C6orf89: variants seen among roughly 807,000 people sequenced by gnomAD.
The protein encoded by C6orf89 is bombesin receptor-activated protein C6orf89.
Under a neutral mutation model 40.7 loss-of-function variants are expected in C6orf89, and 29 were observed. The ratio of observed to expected loss-of-function variants is 0.71; its 90% CI spans 0.53 to 0.97. The LOEUF (loss-of-function observed/expected upper bound fraction) is 0.97. Ranked by LOEUF, C6orf89 falls within the 50% of genes least tolerant of loss-of-function variation. The pLI is 0.00. For missense variants in C6orf89, 392 were observed against 429.1 expected (o/e 0.91, Z 0.76); for synonymous variants, 165 against 152.2 (o/e 1.08, Z -0.62).
In C6orf89 at chr6:36,892,908, T is replaced by C. The variant is rs73732039; in HGVS notation, c.-119-1596T>C. ...CCGATTTCACTCAATCCTCTCATGC[T>C]TGATGCATAGTAATGACCTTATGTT... On this transcript the variant is annotated intron_variant, in intron 1 of 8. Transcript: ENST00000480824. 770 of 152,334 alleles carry C rather than the reference T, an allele frequency of 5.1e-3. 4 individuals carry two copies. The Middle Eastern group carries it at 0.054, about 11-fold the overall frequency. 9.4% of individuals were successfully genotyped at this position (152,334 alleles called of 1,614,324 possible).
chr6:36,901,277 C>T (rs1402422471), intron 3 of C6orf89, among the ~76,000 whole-genome samples: 3 of 148,464 alleles, frequency 2.0e-5, no homozygotes, highest in Non-Finnish European at 3.0e-5. Flanking sequence ...CCACTGCGCC[C>T]GGCCCCTTTG....
intron 1 of C6orf89, among the ~76,000 whole-genome samples, chr6:36,887,277 C>T (rs142770919): frequency 6.6e-6 from 1 of 152,244 alleles, no homozygotes; most frequent in African/African-American, 2.4e-5. Context: ...AATAATAAAA[C>T]ATAAAATGAA....
chr6:36,913,898 C>T (rs1341524053), intron 4 of C6orf89, among the ~76,000 whole-genome samples: 1 of 151,976 alleles, frequency 6.6e-6, no homozygotes, highest in African/African-American at 2.4e-5. Context: ...CGGTGGCTTG[C>T]GCCTGTAATC....
chr6:36,883,173 C>A (rs1254191733), upstream of C6orf89: 1 of 152,224 alleles, frequency 6.6e-6, no homozygotes, highest in Non-Finnish European at 1.5e-5. Context: ...TGAGGACAAT[C>A]CCTTCACAAT....
chr6:36,871,976 T>C, intron 1 of C6orf89: 2 of 1,080,332 alleles, frequency 1.9e-6, no homozygotes, highest in Non-Finnish European at 2.5e-6. Context: ...TTGTAAGTCA[T>C]GAAATTGTGA....
At chr6:36,906,434 A>G (rs181580988) in intron 4 of C6orf89, among the ~76,000 whole-genome samples, 385 of 152,366 alleles carry the variant, frequency 2.5e-3, no homozygotes, top group Admixed American at 4.2e-3. Context: ...CATTTCAAAG[A>G]TGAGGAAACT....
At chr6:36,922,168 G>A (rs1196440758) in intron 8 of C6orf89, among the ~76,000 whole-genome samples, 5 of 151,544 alleles carry the variant, frequency 3.3e-5, no homozygotes, top group Non-Finnish European at 5.9e-5. Context: ...ATGAAACCCC[G>A]TCTCTACTAA....
At position 36,902,343 on chromosome 6, in the gene C6orf89, T is replaced by G. The variant is rs1230732417; in HGVS notation, c.312T>G (p.Ile104Met). The G allele has an allele frequency of 1.2e-6, 2 of 1,614,198 alleles. No homozygotes were observed. Among genetic ancestry groups the G allele is most frequent in the Non-Finnish European group, 1.7e-6 (2 of 1,180,026 alleles). Residue 104 changes from isoleucine (I) to methionine (M), a missense_variant, in exon 4 of 9, where the codon ATT becomes ATG. Ile to Met is a conservative substitution (Grantham distance 10). Transcript: ENST00000480824. Reference protein sequence around the residue: ...AHTWRSLIHHIRLMSLPIAKK... With the variant: ...AHTWRSLIHHMRLMSLPIAKK... ...CCTGGCGCTCACTCATCCATCACAT[T>G]AGGCTGATGTCCTTGCCCATTGCCA...
intron 6 of C6orf89, among the ~76,000 whole-genome samples, chr6:36,915,128 A>G (rs1046883235): frequency 1.3e-5 from 2 of 152,204 alleles, no homozygotes; most frequent in African/African-American, 2.4e-5. Flanking sequence ...CTGGGATCCC[A>G]CTGATAAACC....
At chr6:36,882,904 AT>A (rs1391770804), upstream of C6orf89, among the ~76,000 whole-genome samples, 2 of 149,536 alleles carry the variant, frequency 1.3e-5, no homozygotes, top group Admixed American at 1.3e-4. Flanking sequence ...CGCCTGGCTA[AT>A]TTTTTTTGTA....
At chr6:36,899,755 C>A in intron 3 of C6orf89, 122 bp downstream of exon 3, 1 of 967,768 alleles carries the variant, frequency 1.0e-6, no homozygotes. Context: ...ATAAATTGGC[C>A]TTTGCTCTTG....
chr6:36,896,372 G>T lies in C6orf89; in HGVS notation c.-20+1769G>T, dbSNP rs188855686. Reference sequence around the variant, plus strand: ...ATCTGCCACCTTGGCCTTCCAAAGCGCTGGGATTACAGACGTGAGCCACTG... The same window carrying T: ...ATCTGCCACCTTGGCCTTCCAAAGCTCTGGGATTACAGACGTGAGCCACTG... On this transcript the variant is annotated intron_variant, in intron 2 of 8. Transcript: ENST00000480824. 2.6e-5 allele frequency among the ~76,000 whole-genome samples: 4 copies of T among 152,304 alleles called. No individual in the cohort carries two copies. The East Asian group carries it at 7.7e-4, about 29-fold the overall frequency.
intron 4 of C6orf89, among the ~76,000 whole-genome samples, chr6:36,906,673 G>T (rs1236161125): frequency 2.6e-5 from 4 of 152,168 alleles, no homozygotes; most frequent in Non-Finnish European, 4.4e-5. Flanking sequence ...TCCCTCTACG[G>T]TGTGTGAAAA....
intron 4 of C6orf89, among the ~76,000 whole-genome samples, chr6:36,904,795 G>A (rs1259366006): frequency 6.6e-6 from 1 of 152,106 alleles, no homozygotes; most frequent in African/African-American, 2.4e-5. Flanking sequence ...TGAAGTGCTG[G>A]CCTGTCTCAC....
At chr6:36,916,720 C>G in intron 7 of C6orf89, 146 bp downstream of exon 7, 1 of 927,752 alleles carries the variant, frequency 1.1e-6, no homozygotes, top group Non-Finnish European at 1.6e-6. Flanking sequence ...TTCTCCCCTC[C>G]TGCTGCTAGC....
At chr6:36,888,186 T>C (rs919205482) in intron 1 of C6orf89, among the ~76,000 whole-genome samples, 11 of 152,232 alleles carry the variant, frequency 7.2e-5, no homozygotes, top group Non-Finnish European at 1.6e-4. Flanking sequence ...GGATGAGTAG[T>C]GTCTCATGGC....
At chr6:36,871,955 G>T in exon 1 of C6orf89, 1 of 1,252,388 alleles carries the variant, frequency 8.0e-7, no homozygotes, top group Non-Finnish European at 1.1e-6. Flanking sequence ...CAGGACTCTT[G>T]ATTTTCAAGC....
At chr6:36,887,187 T>G (rs1775025901) in intron 1 of C6orf89, among the ~76,000 whole-genome samples, 1 of 151,796 alleles carries the variant, frequency 6.6e-6, no homozygotes, top group South Asian at 2.1e-4. Context: ...TGATCTCTGC[T>G]CACTGCAAGC....
chr6:36,923,252 T>G, intron 8 of C6orf89, 95 bp from the exon 9 acceptor site: 1 of 812,112 alleles, frequency 1.2e-6, no homozygotes, highest in Non-Finnish European at 2.0e-6. Flanking sequence ...CAGTGCACCC[T>G]GAGGGCCAGC....
Sources: gnomAD v4.1 joint callset for allele counts (sites outside exome capture counted in the v4.1 genomes callset) on GRCh38, gnomAD v4.1.1 for gene constraint, MANE v1.5 for transcripts, NCBI Gene and HGNC (gene_info 2026-07-23, HGNC 2026-07-21) for gene names.